The following CABIN1 variants were observed in gnomAD, a reference collection of about 807,000 sequenced individuals.
CABIN1 encodes calcineurin binding protein 1.
CABIN1 carries 133 observed loss-of-function variants against 227.7 expected under a neutral mutation model. The observed-to-expected ratio is 0.58, with a 90% CI of 0.51 to 0.67. CABIN1 has a LOEUF of 0.67. CABIN1 is among the 30% of genes least tolerant of loss of function. The pLI, the probability that CABIN1 is intolerant of heterozygous loss-of-function variation, is 0.00. For missense variants in CABIN1, 2,408 were observed against 2,852.5 expected (o/e 0.84, Z 3.55); for synonymous variants, 1,086 against 1,155.1 (o/e 0.94, Z 1.21).
chr22:24,079,953 G>A (rs2040701263), intron 19 of CABIN1, among the ~76,000 whole-genome samples: 1 of 152,070 alleles, frequency 6.6e-6, no homozygotes, highest in East Asian at 1.9e-4. Flanking sequence ...AAATTTGAAT[G>A]TCAAATTTAT....
intron 1 of CABIN1, among the ~76,000 whole-genome samples, chr22:24,013,723 C>A (rs1271305166): frequency 2.6e-5 from 4 of 152,170 alleles, no homozygotes; most frequent in Admixed American, 6.5e-5. Flanking sequence ...TTCCAGGACC[C>A]TATCCAAGAT....
chr22:24,018,549 C>T (rs945916905), intron 1 of CABIN1, among the ~76,000 whole-genome samples: 28 of 152,140 alleles, frequency 1.8e-4, no homozygotes, highest in African/African-American at 6.5e-4. Flanking sequence ...ATACAAAGTT[C>T]ATCTTGACTC....
chr22:24,098,230 G>A, intron 26 of CABIN1, 38 bp downstream of exon 26: 2 of 1,612,088 alleles, frequency 1.2e-6, no homozygotes, highest in Non-Finnish European at 1.7e-6. Context: ...GCCCAGGGCG[G>A]CACATCAATC....
intron 28 of CABIN1, among the ~76,000 whole-genome samples, chr22:24,129,389 G>T (rs1212867040): frequency 6.6e-6 from 1 of 152,198 alleles, no homozygotes; most frequent in Non-Finnish European, 1.5e-5. Flanking sequence ...AGCCTCAAGG[G>T]CATGGACTGT....
intron 4 of CABIN1, among the ~76,000 whole-genome samples, chr22:24,040,648 C>T (rs776688653): frequency 6.6e-6 from 1 of 152,152 alleles, no homozygotes; most frequent in African/African-American, 2.4e-5. Context: ...CAGACACTAA[C>T]GTTTTAGTTA....
intron 1 of CABIN1, among the ~76,000 whole-genome samples, chr22:24,032,824 C>A (rs984415759): frequency 1.3e-5 from 2 of 152,170 alleles, no homozygotes; most frequent in South Asian, 4.1e-4. Context: ...TGCCTGTAAT[C>A]CCAGCACTTT....
At chr22:24,108,006 G>A (rs1364743085) in intron 26 of CABIN1, among the ~76,000 whole-genome samples, 2 of 152,256 alleles carry the variant, frequency 1.3e-5, no homozygotes, top group African/African-American at 2.4e-5. Flanking sequence ...GAGGCCTCAC[G>A]AGCATTGTCT....
chr22:24,054,898 C>CTGGCAT lies in CABIN1; in HGVS notation c.836_837insATTGGC (p.Leu278_Ala279dup), dbSNP rs1433706026. 1 of 1,614,082 alleles carries CTGGCAT rather than the reference C, an allele frequency of 6.2e-7. No homozygotes were observed. Among genetic ancestry groups the CTGGCAT allele is most frequent in the Non-Finnish European group, 8.5e-7 (1 of 1,180,044 alleles). On this transcript the variant is annotated inframe_insertion, in exon 9 of 37. Transcript: ENST00000263119. Reference sequence around the variant, plus strand: ...CTGGAAGTGCCTCGGAGAGAGCTTGCTGGCCATGTACAATCATCTCACCAC... The same window carrying CTGGCAT: ...CTGGAAGTGCCTCGGAGAGAGCTTGCTGGCATTGGCCATGTACAATCATCTCACCAC...
At chr22:24,065,591 C>G (rs1368537078) in intron 15 of CABIN1, among the ~76,000 whole-genome samples, 10 of 152,278 alleles carry the variant, frequency 6.6e-5, no homozygotes, top group Admixed American at 3.9e-4. Flanking sequence ...TCCTCACTTC[C>G]CAGACGGGGT....
chr22:24,069,704 C>T (rs958583014), intron 16 of CABIN1, among the ~76,000 whole-genome samples: 1 of 152,204 alleles, frequency 6.6e-6, no homozygotes, highest in Non-Finnish European at 1.5e-5. Context: ...AGGCTGCTGG[C>T]TTTCTCTAAT....
chr22:24,145,563 G>A (rs1352967714), intron 29 of CABIN1, among the ~76,000 whole-genome samples: 1 of 152,188 alleles, frequency 6.6e-6, no homozygotes, highest in Non-Finnish European at 1.5e-5. Context: ...CCGAGGAGGT[G>A]GGCTTGGGGG....
chr22:24,019,978 A>G (rs1428952601), intron 1 of CABIN1, among the ~76,000 whole-genome samples: 2 of 151,958 alleles, frequency 1.3e-5, no homozygotes, highest in African/African-American at 4.8e-5. Context: ...TTATATCTCT[A>G]ATTGATTTAT....
At chr22:24,051,793 G>C (rs1319875335) in intron 8 of CABIN1, among the ~76,000 whole-genome samples, 1 of 152,048 alleles carries the variant, frequency 6.6e-6, no homozygotes, top group Non-Finnish European at 1.5e-5. Flanking sequence ...CTCTCATAGG[G>C]TTGTCATGAT....
rs1156720588 is a variant in CABIN1 at position 24,066,972 on chromosome 22, C to T, written c.2038-15C>T. On this transcript the variant is annotated splice_polypyrimidine_tract_variant and intron_variant, in intron 15 of 36. Coordinates refer to ENST00000263119, the MANE Select transcript of CABIN1 (RefSeq NM_012295.4). ...AGGGGTTTACCCTCATACAGCATTGCCGGGCCTTTTTCAGATTGATAAGAA... is the reference window on the plus strand; with the variant it reads ...AGGGGTTTACCCTCATACAGCATTGTCGGGCCTTTTTCAGATTGATAAGAA... 2 of 1,613,984 alleles carry T rather than the reference C, an allele frequency of 1.2e-6. No individual in the cohort carries two copies. Among genetic ancestry groups the T allele is most frequent in the African/African-American group, 1.3e-5 (1 of 75,056 alleles).
At chr22:24,155,545 C>T (rs370002421) in intron 29 of CABIN1, among the ~76,000 whole-genome samples, 7 of 152,124 alleles carry the variant, frequency 4.6e-5, no homozygotes, top group African/African-American at 1.4e-4. Flanking sequence ...TTTTGCCCTC[C>T]GCCCTGAGGA....
rs776466740 is a variant in CABIN1 at position 24,050,840 on chromosome 22, C to T, written c.672C>T (p.His224=). The T allele has an allele frequency of 2.9e-5, 46 of 1,614,022 alleles. No individual in the cohort carries two copies. Among genetic ancestry groups the T allele is most frequent in the Non-Finnish European group, 3.2e-5 (38 of 1,180,042 alleles). The change falls in exon 8 of 37, where the codon CAC becomes CAT. Residue 224 remains histidine (H), a synonymous_variant. Transcript: ENST00000263119. ...RMFLKCDMSI[H]DVSVSAAETQ... Reference sequence around the variant, plus strand: ...ATGCTTTTAGTGACATGTCGATTCACGATGTTTCGGTGAGTGCAGCTGAGA... The same window carrying T: ...ATGCTTTTAGTGACATGTCGATTCATGATGTTTCGGTGAGTGCAGCTGAGA...
At chr22:24,145,889 T>C (rs1479387698) in intron 29 of CABIN1, among the ~76,000 whole-genome samples, 1 of 152,242 alleles carries the variant, frequency 6.6e-6, no homozygotes, top group African/African-American at 2.4e-5. Flanking sequence ...ATTGTGGCTT[T>C]TCCTGGGGTA....
chr22:24,043,464 G>A lies in CABIN1; in HGVS notation c.526+380G>A, dbSNP rs1228759997. Among the ~76,000 whole-genome samples, 3 of 152,128 alleles carry A rather than the reference G, an allele frequency of 2.0e-5. No individual in the cohort carries two copies. The East Asian group carries it at 5.8e-4, about 29-fold the overall frequency. ...CATAGATTGGGTGGCTAAAACAGCA[G>A]AAATTGTCTGGGTATGTTGGCTCAC... On this transcript the variant is annotated intron_variant, in intron 6 of 36. Coordinates refer to ENST00000263119, the MANE Select transcript of CABIN1 (RefSeq NM_012295.4).
chr22:24,125,436 G>C (rs2043661510), intron 28 of CABIN1, among the ~76,000 whole-genome samples: 1 of 152,230 alleles, frequency 6.6e-6, no homozygotes, highest in Non-Finnish European at 1.5e-5. Context: ...TAGAAGCCAG[G>C]ACTATCGTGC....
Sources: allele counts gnomAD v4.1 joint callset (sites outside exome capture counted in the v4.1 genomes callset), GRCh38; gene constraint gnomAD v4.1.1; transcripts MANE v1.5; gene names NCBI Gene and HGNC (gene_info 2026-07-23, HGNC 2026-07-21).